The following MOCOS variants were observed in gnomAD, a reference collection of about 807,000 sequenced individuals.
The protein encoded by MOCOS is molybdenum cofactor sulfurase.
MOCOS carries 86 observed loss-of-function variants against 83.6 expected under a neutral mutation model. That is an observed-to-expected ratio of 1.03 (90% confidence interval 0.86 to 1.23). The LOEUF is 1.23. Ranked by LOEUF, MOCOS falls within the 50% of genes most tolerant of loss-of-function variation. MOCOS has a pLI of 0.00. For synonymous variants in MOCOS, 445 were observed against 434.7 expected (o/e 1.02, Z -0.29); for missense variants, 1,120 against 1,126.9 (o/e 0.99, Z 0.09).
intron 9 of MOCOS, among the ~76,000 whole-genome samples, chr18:36,232,921 C>G (rs1286539578): frequency 6.6e-6 from 1 of 151,416 alleles, no homozygotes; most frequent in Non-Finnish European, 1.5e-5. Flanking sequence ...AATTGATGAA[C>G]ACTTAAGTTG....
At chr18:36,226,888 C>T (rs1355920432) in intron 9 of MOCOS, among the ~76,000 whole-genome samples, 2 of 137,578 alleles carry the variant, frequency 1.5e-5, no homozygotes, top group Non-Finnish European at 3.1e-5. Flanking sequence ...TGATGTGTAT[C>T]TTTTTTTTTT....
rs746941227 is a variant in MOCOS at position 36,260,158 on chromosome 18, G to A, written c.2392G>A (p.Gly798Ser). The A allele has an allele frequency of 9.9e-6, 16 of 1,614,014 alleles. No homozygotes were observed. The highest frequency in any genetic ancestry group is 1.4e-5 in the Non-Finnish European group (16 of 1,180,034). ...EEEKWDEISI[G>S]SLRFQVLGPC... ...AGAGAAATGGGATGAGATTTCAATT[G>A]GCTCTTTGCGTTTCCAGGTAAGTTT... Residue 798 changes from glycine to serine, a missense_variant, in exon 13 of 15, where the codon GGC becomes AGC. Physicochemically the swap from Gly to Ser is moderately conservative, Grantham distance 56. Coordinates refer to ENST00000261326, the MANE Select transcript of MOCOS (RefSeq NM_017947.4).
intron 12 of MOCOS, among the ~76,000 whole-genome samples, chr18:36,259,350 C>A (rs1274843585): frequency 6.7e-6 from 1 of 148,628 alleles, no homozygotes; most frequent in African/African-American, 2.5e-5. Flanking sequence ...GAGGCTGAGG[C>A]AGGAGAATTA....
chr18:36,240,660 C>T (rs1386075968), intron 9 of MOCOS, among the ~76,000 whole-genome samples: 5 of 152,186 alleles, frequency 3.3e-5, no homozygotes, highest in East Asian at 1.9e-4. Context: ...TGGTGGGCTC[C>T]ACCCAGTTCG....
At chr18:36,190,574 C>T (rs1434878865) in intron 1 of MOCOS, among the ~76,000 whole-genome samples, 2 of 151,836 alleles carry the variant, frequency 1.3e-5, no homozygotes, top group Admixed American at 6.6e-5. Flanking sequence ...CATGGTGAAA[C>T]CCCGTCTCTA....
At chr18:36,225,872 G>T (rs2091513285) in intron 9 of MOCOS, among the ~76,000 whole-genome samples, 1 of 145,512 alleles carries the variant, frequency 6.9e-6, no homozygotes, top group Admixed American at 6.8e-5. Flanking sequence ...ACTATTTCTA[G>T]TTTCATTTCA....
At chr18:36,206,148 G>A (rs912260693) in intron 6 of MOCOS, among the ~76,000 whole-genome samples, 1 of 152,106 alleles carries the variant, frequency 6.6e-6, no homozygotes. Flanking sequence ...TGTGGAGGAA[G>A]GCAAATGTGA....
intron 9 of MOCOS, among the ~76,000 whole-genome samples, chr18:36,230,469 G>A (rs536364635): frequency 2.5e-4 from 38 of 152,094 alleles, no homozygotes; most frequent in Non-Finnish European, 4.6e-4. Flanking sequence ...CAATCAGATT[G>A]GCCAGAGATT....
chr18:36,195,310 G>A lies in MOCOS; in HGVS notation c.196G>A (p.Glu66Lys), dbSNP rs764247332. 1.6e-5 allele frequency: 26 copies of A among 1,614,016 alleles called. No homozygotes were observed. The highest frequency in any genetic ancestry group is 5.3e-5 in the African/African-American group (4 of 74,920). ...CACCTTGTTCTCCCAGAGCCAGCTC[G>A]AAAGCTTCACTAGTGATCTCATGGA... ...GATLFSQSQLESFTSDLMENT... is the reference protein window; with the variant it reads ...GATLFSQSQLKSFTSDLMENT... The change falls in exon 2 of 15, where the codon GAA becomes AAA. Residue 66 changes from glutamate (E) to lysine (K), a missense_variant. By Grantham distance (56) the Glu-to-Lys change is moderately conservative (BLOSUM62 1). Transcript: ENST00000261326.
At chr18:36,267,349 G>T (rs76726549) in intron 14 of MOCOS, among the ~76,000 whole-genome samples, 3,009 of 152,276 alleles carry the variant, frequency 0.02, 100 homozygotes, top group African/African-American at 0.069. Context: ...TCTTTAGAAA[G>T]ATTTATTTTC....
rs368893410 is a variant in MOCOS at position 36,262,250 on chromosome 18, T to TCTACACACACACACACACAC, written c.2409+2075_2409+2076insCTACACACACACACACACAC. ...AGCATAGCAAGACTTCGTCTCTCTC[T>TCTACACACACACACACACAC]ACACACACACACACACACACACACA... On this transcript the variant is annotated intron_variant, in intron 13 of 14. Coordinates refer to ENST00000261326, the MANE Select transcript of MOCOS (RefSeq NM_017947.4). 3.3e-3 allele frequency among the ~76,000 whole-genome samples: 427 copies of TCTACACACACACACACACAC among 127,902 alleles called. 3 individuals are homozygous for TCTACACACACACACACACAC. The highest frequency in any genetic ancestry group is 5.4e-3 in the Admixed American group (69 of 12,700). 83.9% of individuals were successfully genotyped at this position (127,902 alleles called of 152,430 possible). A position where few individuals can be genotyped will look rare whatever the true frequency, so the allele number is the denominator to read the frequency against.
chr18:36,252,399 A>T (rs1026787152), intron 11 of MOCOS, among the ~76,000 whole-genome samples: 12 of 152,168 alleles, frequency 7.9e-5, no homozygotes, highest in Non-Finnish European at 1.5e-4. Flanking sequence ...CTCTTCAAAA[A>T]ATACAAAAAT....
Position 36,251,230 on chromosome 18 carries a change from T to G in MOCOS, c.2111T>G (p.Leu704Trp). ...LSTFFGRPCH[L>W]IKQSSNSQRN... The stretch of plus-strand genomic sequence containing the variant: ...ACATTTTTTGGCCGTCCTTGTCATT[T>G]GATCAAACAAAGTTCAAACTCTCAA... The change falls in exon 11 of 15, where the codon TTG becomes TGG. Residue 704 changes from leucine (L) to tryptophan (W), a missense_variant. Leu to Trp is a moderately conservative substitution (Grantham distance 61). Transcript: ENST00000261326. The G allele has an allele frequency of 6.2e-7, 1 of 1,614,068 alleles. No homozygotes were observed. The highest frequency in any genetic ancestry group is 1.7e-5 in the Admixed American group (1 of 60,028).
intron 6 of MOCOS, among the ~76,000 whole-genome samples, chr18:36,209,250 T>C (rs941768709): frequency 2.0e-5 from 3 of 151,998 alleles, no homozygotes; most frequent in African/African-American, 4.8e-5. Context: ...ATGATCTTGG[T>C]TCACTGCAGC....
At chr18:36,238,926 A>G (rs2091570231) in intron 9 of MOCOS, among the ~76,000 whole-genome samples, 1 of 149,038 alleles carries the variant, frequency 6.7e-6, no homozygotes, top group Admixed American at 6.7e-5. Flanking sequence ...GTTGGTTTAA[A>G]GTCTGTTTTA....
intron 11 of MOCOS, among the ~76,000 whole-genome samples, chr18:36,254,513 GA>G (rs879550310): frequency 2.4e-4 from 37 of 151,150 alleles, no homozygotes; most frequent in Non-Finnish European, 4.9e-4. Flanking sequence ...GAGAGAGAGA[GA>G]GCGAGAGGGA....
chr18:36,248,213 A>G (rs1274084553), intron 9 of MOCOS, among the ~76,000 whole-genome samples: 1 of 151,530 alleles, frequency 6.6e-6, no homozygotes, highest in Non-Finnish European at 1.5e-5. Flanking sequence ...GTTGAACATT[A>G]AAAAAAAATT....
intron 2 of MOCOS, among the ~76,000 whole-genome samples, chr18:36,198,419 A>G (rs2144899257): frequency 6.6e-6 from 1 of 152,316 alleles, no homozygotes; most frequent in East Asian, 1.9e-4. Flanking sequence ...TTATGGATGT[A>G]GCATATTTTG....
chr18:36,199,207 A>C (rs1449055852), intron 3 of MOCOS, among the ~76,000 whole-genome samples: 1 of 152,170 alleles, frequency 6.6e-6, no homozygotes, highest in African/African-American at 2.4e-5. Context: ...TATACTTTCT[A>C]AACATAACAG....
Sources: gnomAD v4.1 joint callset for allele counts (sites outside exome capture counted in the v4.1 genomes callset) on GRCh38, gnomAD v4.1.1 for gene constraint, MANE v1.5 for transcripts, NCBI Gene and HGNC (gene_info 2026-07-23, HGNC 2026-07-21) for gene names.